The following PSMA8 variants were observed in gnomAD, a reference collection of about 807,000 sequenced individuals.
PSMA8 encodes the protein proteasome 20S subunit alpha 8, also known as proteasome subunit alpha-type 8.
In PSMA8, 18 loss-of-function variants were observed where a neutral mutation model predicts 32.4. The observed-to-expected ratio is 0.56, with a 90% CI of 0.38 to 0.82. PSMA8 has a LOEUF of 0.82. Ranked by LOEUF, PSMA8 falls within the 40% of genes least tolerant of loss-of-function variation. The pLI is 0.00. For missense variants in PSMA8, 298 were observed against 300.7 expected, an observed-to-expected ratio of 0.99 and a Z score of 0.07; for synonymous variants, 104 against 98.1, an observed-to-expected ratio of 1.06 and a Z score of -0.36.
intron 4 of PSMA8, among the ~76,000 whole-genome samples, chr18:26,171,766 A>G (rs980482350): frequency 1.3e-5 from 2 of 152,064 alleles, no homozygotes; most frequent in Admixed American, 6.6e-5. Context: ...TCAGTTTCTC[A>G]TTATTGGGTC....
At chr18:26,162,057 T>C (rs1468353612) in intron 4 of PSMA8, among the ~76,000 whole-genome samples, 2 of 152,218 alleles carry the variant, frequency 1.3e-5, no homozygotes, top group Non-Finnish European at 2.9e-5. Context: ...AAAAATTCTA[T>C]ATATTTATGG....
In PSMA8 at chr18:26,180,468, A is replaced by C. The variant is rs191917125; in HGVS notation, c.660+1338A>C. Among the ~76,000 whole-genome samples the C allele has an allele frequency of 1.3e-3, 200 of 152,268 alleles. 1 individual carries two copies. Among genetic ancestry groups the C allele is most frequent in the African/African-American group, 4.3e-3 (180 of 41,558 alleles). On this transcript the variant is annotated intron_variant, in intron 6 of 6. Transcript: ENST00000415576. ...GAGGATAAGACAGCAGCAAAGTTTC[A>C]ATAAATAAGAGAAATGGGGACAAGA...
chr18:26,139,517 T>C (rs2054937743), intron 1 of PSMA8, among the ~76,000 whole-genome samples: 1 of 152,152 alleles, frequency 6.6e-6, no homozygotes, highest in South Asian at 2.1e-4. Context: ...GAAAAGTACA[T>C]GTTTGAAATT....
Position 26,171,000 on chromosome 18 carries a change from T to A in PSMA8, c.478-7830T>A. On this transcript the variant is annotated intron_variant, in intron 4 of 6. Coordinates refer to ENST00000415576, the MANE Select transcript of PSMA8 (RefSeq NM_001025096.2). ...TGGTTGTTCAGTAAGTTTTAAGGCA[T>A]CATCTAGACTTCTGGAAAGAAAATG... The A allele has an allele frequency of 2.6e-6, 4 of 1,555,578 alleles. 1 individual carries two copies. In the East Asian group the frequency reaches 9.6e-5, roughly 37 times the overall value.
chr18:26,192,786 T>C lies in PSMA8; in HGVS notation c.*375T>C, dbSNP rs1283907507. ...GAATATTGACTGTCAGTTAAGGACATAGCTATTCCAAATAAACTAAATATA... is the reference window on the plus strand; with the variant it reads ...GAATATTGACTGTCAGTTAAGGACACAGCTATTCCAAATAAACTAAATATA... On this transcript the variant is annotated 3_prime_UTR_variant, in exon 7 of 7. Coordinates refer to ENST00000415576, the MANE Select transcript of PSMA8 (RefSeq NM_001025096.2). The C allele has an allele frequency of 1.3e-5, 2 of 152,568 alleles. No individual in the cohort carries two copies. Among genetic ancestry groups the C allele is most frequent in the African/African-American group, 4.8e-5 (2 of 41,464 alleles). 9.5% of individuals were successfully genotyped at this position (152,568 alleles called of 1,614,324 possible). A position where few individuals can be genotyped will look rare whatever the true frequency, so the allele number is the denominator to read the frequency against.
intron 4 of PSMA8, among the ~76,000 whole-genome samples, chr18:26,166,187 A>T (rs1219124022): frequency 6.6e-6 from 1 of 152,192 alleles, no homozygotes; most frequent in Admixed American, 6.6e-5. Flanking sequence ...CTTATTGTGC[A>T]TGGGTTGCTT....
intron 6 of PSMA8, among the ~76,000 whole-genome samples, chr18:26,187,772 T>G (rs2055368326): frequency 6.6e-6 from 1 of 152,100 alleles, no homozygotes; most frequent in Non-Finnish European, 1.5e-5. Flanking sequence ...CTGTAGAACC[T>G]AGATATGTAA....
At chr18:26,139,127 G>A (rs1161757232) in intron 1 of PSMA8, among the ~76,000 whole-genome samples, 3 of 152,164 alleles carry the variant, frequency 2.0e-5, no homozygotes, top group Non-Finnish European at 2.9e-5. Context: ...TGAAAATGAC[G>A]AATGTCACAT....
chr18:26,145,003 TG>T (rs2054991336), intron 2 of PSMA8, among the ~76,000 whole-genome samples: 1 of 152,228 alleles, frequency 6.6e-6, no homozygotes, highest in South Asian at 2.1e-4. Flanking sequence ...TTTCCCTAAA[TG>T]GTAACATCTT....
rs1370221808 is a variant in PSMA8 at position 26,133,952 on chromosome 18, T to G, written c.-14T>G. On this transcript the variant is annotated 5_prime_UTR_variant, in exon 1 of 7. Coordinates refer to ENST00000415576, the MANE Select transcript of PSMA8 (RefSeq NM_001025096.2). ...AGCGGGAAGCTCGGTGGCAAGCCCT[T>G]GTAGTCCTGTGCGATGGCGTCTCGA... The G allele has an allele frequency of 1.9e-6, 3 of 1,608,638 alleles. No individual in the cohort carries two copies. Among genetic ancestry groups the G allele is most frequent in the Non-Finnish European group, 2.6e-6 (3 of 1,175,098 alleles).
At chr18:26,147,210 CAAA>C (rs57358976) in intron 2 of PSMA8, among the ~76,000 whole-genome samples, 2 of 48,252 alleles carry the variant, frequency 4.1e-5, no homozygotes, top group Non-Finnish European at 4.4e-5. Context: ...CACCCTGTCT[CAAA>C]AAAAAAAAAA....
At chr18:26,188,107 A>G (rs1003206862) in intron 6 of PSMA8, among the ~76,000 whole-genome samples, 1 of 152,164 alleles carries the variant, frequency 6.6e-6, no homozygotes, top group Non-Finnish European at 1.5e-5. Context: ...AGTGGAAAAA[A>G]AAAACTAGAA....
rs568900997 is a variant in PSMA8 at position 26,150,386 on chromosome 18, G to A, written c.230-1472G>A. Among the ~76,000 whole-genome samples the A allele has an allele frequency of 3.3e-5, 5 of 151,658 alleles. No individual in the cohort carries two copies. In the East Asian group the frequency reaches 5.8e-4, roughly 18 times the overall value. On this transcript the variant is annotated intron_variant, in intron 2 of 6. Coordinates refer to ENST00000415576, the MANE Select transcript of PSMA8 (RefSeq NM_001025096.2). ...GGTTTTCACTTTGTCACCCCCAGTGGGAGTACAGTGGCACGATCATAGCTC... is the reference window on the plus strand; with the variant it reads ...GGTTTTCACTTTGTCACCCCCAGTGAGAGTACAGTGGCACGATCATAGCTC...
chr18:26,164,255 T>C (rs2055160559), intron 4 of PSMA8, among the ~76,000 whole-genome samples: 2 of 152,066 alleles, frequency 1.3e-5, no homozygotes, highest in Admixed American at 6.6e-5. Context: ...CTGGGCAACA[T>C]AGTGAGGCCT....
At chr18:26,149,973 ATG>A (rs1316047930) in intron 2 of PSMA8, among the ~76,000 whole-genome samples, 6 of 152,256 alleles carry the variant, frequency 3.9e-5, no homozygotes, top group Admixed American at 3.9e-4. Context: ...GTTTTACATT[ATG>A]ATTGTATCCT....
Position 26,178,790 on chromosome 18 carries a change from T to C in PSMA8, c.478-40T>C, listed in dbSNP as rs886898372. 10 of 1,573,848 alleles carry C rather than the reference T, an allele frequency of 6.4e-6. No homozygotes were observed. The East Asian group carries it at 6.7e-5, about 11-fold the overall frequency. On this transcript the variant is annotated intron_variant, in intron 4 of 6. Coordinates refer to ENST00000415576, the MANE Select transcript of PSMA8 (RefSeq NM_001025096.2). ...TACTTAGTAACCATAAATTCATTCC[T>C]ACTGCAATGATATTAATAAATTAAC...
At chr18:26,139,571 T>C (rs1346608239) in intron 1 of PSMA8, among the ~76,000 whole-genome samples, 1 of 152,186 alleles carries the variant, frequency 6.6e-6, no homozygotes, top group African/African-American at 2.4e-5. Flanking sequence ...TGAAGTGCAT[T>C]GTTTCTCTCC....
chr18:26,179,299 T>G (rs1038499819), intron 6 of PSMA8, among the ~76,000 whole-genome samples, 169 bp downstream of exon 6: 64 of 149,652 alleles, frequency 4.3e-4, no homozygotes, highest in Non-Finnish European at 6.8e-4. Flanking sequence ...TTTTTGTGTT[T>G]TTTTTTTTTT....
chr18:26,155,983 A>C (rs557872576), intron 3 of PSMA8, among the ~76,000 whole-genome samples: 19 of 152,230 alleles, frequency 1.2e-4, no homozygotes, highest in Non-Finnish European at 2.1e-4. Context: ...TCTTCCTAAA[A>C]AATGGGCAAA....
Sources: gnomAD v4.1 joint callset for allele counts (sites outside exome capture counted in the v4.1 genomes callset) on GRCh38, gnomAD v4.1.1 for gene constraint, MANE v1.5 for transcripts, NCBI Gene and HGNC (gene_info 2026-07-23, HGNC 2026-07-21) for gene names.